The following PDLIM5 variants were observed in gnomAD, a reference collection of about 807,000 sequenced individuals.
PDLIM5 encodes the protein PDZ and LIM domain protein 5.
A neutral mutation model predicts 64.2 loss-of-function variants in PDLIM5; 34 were observed. That is an observed-to-expected ratio of 0.53 (90% confidence interval 0.40 to 0.71). The LOEUF is 0.71. Ranked by LOEUF, PDLIM5 falls within the 30% of genes least tolerant of loss-of-function variation. PDLIM5 has a pLI of 0.00. For missense variants in PDLIM5, 683 were observed against 733.6 expected, an observed-to-expected ratio of 0.93 and a Z score of 0.80; for synonymous variants, 253 against 269.1, an observed-to-expected ratio of 0.94 and a Z score of 0.59.
At chr4:94,506,137 A>G (rs889368616) in intron 2 of PDLIM5, among the ~76,000 whole-genome samples, 3 of 152,322 alleles carry the variant, frequency 2.0e-5, no homozygotes, top group African/African-American at 7.2e-5. Flanking sequence ...CCAAATATGT[A>G]TTTCATAGTA....
At chr4:94,466,693 T>A (rs974023141) in intron 2 of PDLIM5, among the ~76,000 whole-genome samples, 1 of 152,240 alleles carries the variant, frequency 6.6e-6, no homozygotes, top group African/African-American at 2.4e-5. Context: ...TGCTTTTCTC[T>A]AACTGCCAGC....
intron 3 of PDLIM5, among the ~76,000 whole-genome samples, chr4:94,549,306 T>C (rs998082848): frequency 4.6e-5 from 7 of 152,230 alleles, no homozygotes; most frequent in East Asian, 1.9e-4. Context: ...TCTCGATGTA[T>C]GCATTCTCAT....
intron 2 of PDLIM5, among the ~76,000 whole-genome samples, chr4:94,503,350 A>C (rs1728099991): frequency 6.6e-6 from 1 of 152,226 alleles, no homozygotes; most frequent in South Asian, 2.1e-4. Context: ...ATATTAATTC[A>C]GTGTTTAAAT....
rs67013211 is a variant in PDLIM5 at position 94,478,890 on chromosome 4, G to GTTTTTTTTTTTTTTT, written c.96+23519_96+23533dup. Among the ~76,000 whole-genome samples the GTTTTTTTTTTTTTTT allele has an allele frequency of 4.4e-4, 41 of 94,084 alleles. 4 individuals are homozygous for GTTTTTTTTTTTTTTT. Among genetic ancestry groups the GTTTTTTTTTTTTTTT allele is most frequent in the African/African-American group, 1.8e-3 (40 of 22,356 alleles). The allele number at this position is 94,084 out of a possible 152,430, so 61.7% of individuals were successfully genotyped here. ...CCAAAAGAAGGTAGGTGTGCTTGGT[G>GTTTTTTTTTTTTTTT]TTTTTTTTTTTTTTTTTTTTTTTTT... On this transcript the variant is annotated intron_variant, in intron 2 of 12. Coordinates refer to ENST00000317968, the MANE Select transcript of PDLIM5 (RefSeq NM_006457.5).
At chr4:94,596,484 A>C (rs929427342) in intron 7 of PDLIM5, among the ~76,000 whole-genome samples, 6 of 152,074 alleles carry the variant, frequency 3.9e-5, no homozygotes, top group African/African-American at 1.4e-4. Context: ...AGATAATTAA[A>C]GAAACTTATG....
intron 7 of PDLIM5, among the ~76,000 whole-genome samples, chr4:94,592,256 T>C (rs1278595685): frequency 2.0e-5 from 3 of 152,170 alleles, no homozygotes; most frequent in Admixed American, 1.3e-4. Context: ...GTAAATGTAA[T>C]GAACACTTAA....
Position 94,618,064 on chromosome 4 carries a change from C to A in PDLIM5, c.981C>A (p.Pro327=). 1 of 1,610,606 alleles carries A rather than the reference C, an allele frequency of 6.2e-7. No homozygotes were observed. Among genetic ancestry groups the A allele is most frequent in the Non-Finnish European group, 8.5e-7 (1 of 1,178,350 alleles). The change falls in exon 8 of 13, where the codon CCC becomes CCA. Residue 327 remains proline (P), a synonymous_variant. Transcript: ENST00000317968. ...CGGTAGCTTCCACACGGAGCATGCCCGAGAGCCTGGACAGCCCAACCTCTG... is the reference window on the plus strand; with the variant it reads ...CGGTAGCTTCCACACGGAGCATGCCAGAGAGCCTGGACAGCCCAACCTCTG... ...ASSVASTRSM[P]ESLDSPTSGR... is the part of the protein sequence containing the mutation.
At position 94,664,605 on chromosome 4, in the gene PDLIM5, C is replaced by T. The variant is rs2110513675; in HGVS notation, c.*538C>T. The stretch of plus-strand genomic sequence containing the variant: ...TGCTTGTAGGCTGAGCGCGGTGGCT[C>T]ACGCCTGTAATCCCAGCACTTTGGG... On this transcript the variant is annotated 3_prime_UTR_variant, in exon 13 of 13. Transcript: ENST00000317968. The T allele has an allele frequency of 1.4e-6, 1 of 708,200 alleles. No homozygotes were observed. Among genetic ancestry groups the T allele is most frequent in the Non-Finnish European group, 1.7e-6 (1 of 576,970 alleles). 43.9% of individuals were successfully genotyped at this position (708,200 alleles called of 1,614,324 possible).
chr4:94,524,708 A>G (rs186171787), intron 3 of PDLIM5, among the ~76,000 whole-genome samples: 11 of 152,204 alleles, frequency 7.2e-5, no homozygotes, highest in Admixed American at 1.3e-4. Flanking sequence ...ATCATTTGAA[A>G]CCTGCACCAA....
At chr4:94,649,302 TC>T (rs773422760) in intron 9 of PDLIM5, among the ~76,000 whole-genome samples, 27 of 152,262 alleles carry the variant, frequency 1.8e-4, no homozygotes, top group Non-Finnish European at 3.4e-4. Flanking sequence ...ATCTGCACAA[TC>T]CTTTTTGCTA....
At chr4:94,594,261 T>G (rs1283151229) in intron 7 of PDLIM5, among the ~76,000 whole-genome samples, 3 of 152,164 alleles carry the variant, frequency 2.0e-5, no homozygotes, top group Non-Finnish European at 4.4e-5. Context: ...TTTCATTAAA[T>G]GAACATTTGT....
chr4:94,625,515 C>G (rs919447330), intron 8 of PDLIM5, among the ~76,000 whole-genome samples: 28 of 150,842 alleles, frequency 1.9e-4, no homozygotes, highest in African/African-American at 5.9e-4. Flanking sequence ...TGCAGTGGCG[C>G]TATTTAGGCT....
chr4:94,658,884 G>A (rs1324694420), intron 11 of PDLIM5, among the ~76,000 whole-genome samples: 1 of 152,128 alleles, frequency 6.6e-6, no homozygotes, highest in Non-Finnish European at 1.5e-5. Flanking sequence ...TGAAGAAAGG[G>A]CTGGGTTTTG....
At position 94,540,193 on chromosome 4, in the gene PDLIM5, C is replaced by T. The variant is rs1047898138; in HGVS notation, c.248+16318C>T. Among the ~76,000 whole-genome samples the T allele has an allele frequency of 1.1e-4, 17 of 150,328 alleles. No individual in the cohort carries two copies. The East Asian group carries it at 2.6e-3, about 23-fold the overall frequency. On this transcript the variant is annotated intron_variant, in intron 3 of 12. Transcript: ENST00000317968. Reference sequence around the variant, plus strand: ...TCGCCCAGGCTGGAGTGCAGTGGCGCGATCTCGGCTCATTGCAAGCTCTGC... The same window carrying T: ...TCGCCCAGGCTGGAGTGCAGTGGCGTGATCTCGGCTCATTGCAAGCTCTGC...
intron 9 of PDLIM5, among the ~76,000 whole-genome samples, chr4:94,650,319 C>T (rs951585131): frequency 9.9e-5 from 15 of 152,170 alleles, no homozygotes; most frequent in Non-Finnish European, 1.9e-4. Flanking sequence ...TTGCTCACGC[C>T]AGGCCCTTCC....
chr4:94,475,340 T>A (rs1046963775), intron 2 of PDLIM5, among the ~76,000 whole-genome samples: 5 of 152,350 alleles, frequency 3.3e-5, no homozygotes, highest in African/African-American at 1.2e-4. Context: ...TTTTCAGTAA[T>A]TCTGTTAAGG....
chr4:94,661,194 G>T (rs889693157), intron 11 of PDLIM5, among the ~76,000 whole-genome samples: 35 of 152,230 alleles, frequency 2.3e-4, no homozygotes, highest in Admixed American at 4.6e-4. Flanking sequence ...TTCAAAACCA[G>T]CATGGGCAGC....
intron 9 of PDLIM5, among the ~76,000 whole-genome samples, chr4:94,652,084 C>T (rs1362235215): frequency 6.6e-6 from 1 of 152,146 alleles, no homozygotes; most frequent in Non-Finnish European, 1.5e-5. Context: ...CTCAGATGAA[C>T]TTTGTCAAAT....
chr4:94,522,429 G>A (rs1729913118), intron 2 of PDLIM5, among the ~76,000 whole-genome samples: 1 of 152,016 alleles, frequency 6.6e-6, no homozygotes, highest in Admixed American at 6.6e-5. Context: ...AAGCTGGAGT[G>A]CAGTTGCACG....
Sources: allele counts gnomAD v4.1 joint callset (sites outside exome capture counted in the v4.1 genomes callset), GRCh38; gene constraint gnomAD v4.1.1; transcripts MANE v1.5; gene names NCBI Gene and HGNC (gene_info 2026-07-23, HGNC 2026-07-21).